WDFY3: variants seen among roughly 807,000 people sequenced by gnomAD.
The protein encoded by WDFY3 is WD repeat and FYVE domain-containing protein 3.
WDFY3 carries 66 observed loss-of-function variants against 409.6 expected under a neutral mutation model. The ratio of observed to expected loss-of-function variants is 0.16; its 90% CI spans 0.13 to 0.20. The LOEUF (loss-of-function observed/expected upper bound fraction) is 0.20. Ranked by LOEUF, WDFY3 falls within the 10% of genes least tolerant of loss-of-function variation. WDFY3 has a pLI of 1.00. For synonymous variants in WDFY3, 1,521 were observed against 1,537.1 expected (o/e 0.99, Z 0.25); for missense variants, 3,031 against 4,298.1 (o/e 0.71, Z 8.24).
At chr4:84,807,169 T>C (rs1461388946) in intron 15 of WDFY3, among the ~76,000 whole-genome samples, 1 of 152,146 alleles carries the variant, frequency 6.6e-6, no homozygotes, top group Non-Finnish European at 1.5e-5. Context: ...CCTCGACCAT[T>C]TTAGCAACAG....
At chr4:84,844,339 C>G in intron 5 of WDFY3, 2 of 725,938 alleles carry the variant, frequency 2.8e-6, no homozygotes, top group Non-Finnish European at 2.0e-6. Flanking sequence ...CCTAAACACC[C>G]TTGCCCCCTC....
intron 3 of WDFY3, among the ~76,000 whole-genome samples, chr4:84,895,652 A>G (rs1454097603): frequency 6.6e-6 from 1 of 152,170 alleles, no homozygotes; most frequent in Non-Finnish European, 1.5e-5. Flanking sequence ...TAGAGAAAAT[A>G]TTTCTAAATA....
At chr4:84,812,843 C>A (rs745752998) in intron 13 of WDFY3, among the ~76,000 whole-genome samples, 2 of 152,016 alleles carry the variant, frequency 1.3e-5, no homozygotes, top group Non-Finnish European at 2.9e-5. Context: ...TCTCAGTATT[C>A]GAAAAATTTC....
chr4:84,837,005 G>A lies in WDFY3; in HGVS notation c.500C>T (p.Pro167Leu). The change falls in exon 7 of 68, where the codon CCT becomes CTT. Residue 167 changes from proline to leucine, a missense_variant. Physicochemically the swap from Pro to Leu is moderately conservative, Grantham distance 98 (BLOSUM62 -3). This residue lies in a region of WDFY3 where 1,322 missense variants were observed against 1,697.9 expected (regional missense o/e 0.78). Transcript: ENST00000295888. The part of the protein sequence containing the change: ...LYLFFDLPHV[P>L]EAVGGAQNEL... ...ATTCTGTGCACCTCCAACTGCCTCA[G>A]GCACATGTGGAAGGTCAAAAAACAG... 6.2e-7 allele frequency: 1 copy of A among 1,602,318 alleles called. No individual in the cohort carries two copies. The highest frequency in any genetic ancestry group is 8.5e-7 in the Non-Finnish European group (1 of 1,174,570).
rs142041190 is a variant in WDFY3, at chr4:84,715,339, G to A, written c.7920C>T (p.Leu2640=). ...TTCTGATTCCTTTCTGAAAAGCAAG[G>A]AGGTAATTCCGTCCATCTCCAGAGA... ...EVFSGDGRNY[L]LAFQKGIRNK... is the part of the protein sequence containing the mutation. The change falls in exon 50 of 68, where the codon CTC becomes CTT. Residue 2640 remains leucine (L), a synonymous_variant. Transcript: ENST00000295888. The A allele has an allele frequency of 7.9e-5, 127 of 1,611,140 alleles. No individual in the cohort carries two copies. The African/African-American group carries it at 1.5e-3, about 19-fold the overall frequency.
intron 63 of WDFY3, among the ~76,000 whole-genome samples, chr4:84,683,143 T>C (rs1241551072): frequency 1.3e-5 from 2 of 152,200 alleles, no homozygotes; most frequent in Non-Finnish European, 2.9e-5. Flanking sequence ...TTTATGCTGC[T>C]TCACAGATTG....
intron 21 of WDFY3, among the ~76,000 whole-genome samples, chr4:84,793,848 CAATT>C (rs561128391): frequency 2.3e-3 from 352 of 152,132 alleles, no homozygotes; most frequent in Non-Finnish European, 3.6e-3. Flanking sequence ...AACCACATGT[CAATT>C]AATATGTGAT....
intron 47 of WDFY3, 34 bp downstream of exon 47, chr4:84,721,375 T>A (rs1734833061): frequency 6.2e-7 from 1 of 1,608,358 alleles, no homozygotes; most frequent in South Asian, 1.1e-5. Context: ...GTTACTGAAG[T>A]ATTTACAATC....
At chr4:84,843,326 T>C (rs1560903193) in intron 5 of WDFY3, among the ~76,000 whole-genome samples, 2 of 152,174 alleles carry the variant, frequency 1.3e-5, no homozygotes, top group Admixed American at 6.5e-5. Flanking sequence ...TGTATCACTG[T>C]AAAAAAATAA....
intron 41 of WDFY3, among the ~76,000 whole-genome samples, chr4:84,736,718 G>A (rs192853893): frequency 6.6e-6 from 1 of 151,984 alleles, no homozygotes; most frequent in Non-Finnish European, 1.5e-5. Flanking sequence ...TGCCACCAGA[G>A]AATCTATGGT....
In WDFY3 at chr4:84,751,634, T is replaced by C; in HGVS notation, c.5822A>G (p.Gln1941Arg). 2 of 1,614,196 alleles carry C rather than the reference T, an allele frequency of 1.2e-6. No homozygotes were observed. Among genetic ancestry groups the C allele is most frequent in the Non-Finnish European group, 1.7e-6 (2 of 1,180,026 alleles). ...FAADTGMNRS[Q>R]SEYCNVGTKT... is the part of the protein sequence containing the mutation. The stretch of plus-strand genomic sequence containing the variant: ...GGTGCCCACATTGCAGTACTCTGAT[T>C]GGCTCCTGTTCATCCCTGTGTCTGC... The change falls in exon 36 of 68, where the codon CAA becomes CGA. Residue 1941 changes from glutamine to arginine, a missense_variant. Gln to Arg is a conservative substitution (Grantham distance 43). Coordinates refer to ENST00000295888, the MANE Select transcript of WDFY3 (RefSeq NM_014991.6).
intron 26 of WDFY3, among the ~76,000 whole-genome samples, chr4:84,779,490 G>A (rs1282100937): frequency 6.6e-6 from 1 of 151,016 alleles, no homozygotes; most frequent in Non-Finnish European, 1.5e-5. Flanking sequence ...TCGGCTTACT[G>A]CAGCCTCCGC....
At chr4:84,810,463 A>G (rs1051318834) in intron 13 of WDFY3, 119 bp from the exon 14 acceptor site, 5 of 882,724 alleles carry the variant, frequency 5.7e-6, no homozygotes, top group Non-Finnish European at 8.2e-6. Context: ...TTTATCATTT[A>G]CCCAATAAAC....
chr4:84,873,794 T>C (rs1762426429), intron 3 of WDFY3, among the ~76,000 whole-genome samples: 1 of 151,826 alleles, frequency 6.6e-6, no homozygotes, highest in South Asian at 2.1e-4. Flanking sequence ...GTTTGTTTGT[T>C]TGTTTTGAGA....
In WDFY3 at chr4:84,679,079, G is replaced by A. The variant is rs539497753; in HGVS notation, c.9987C>T (p.Asp3329=). 83 of 1,614,208 alleles carry A rather than the reference G, an allele frequency of 5.1e-5. No individual in the cohort carries two copies. The highest frequency in any genetic ancestry group is 4.5e-4 in the South Asian group (41 of 91,086). The change falls in exon 65 of 68, where the codon GAC becomes GAT. Residue 3329 remains aspartate (D), a synonymous_variant. Transcript: ENST00000295888. ...TAAWCTDSGS[D]DSRRWSDQLS... is the part of the protein sequence containing the mutation. ...GCTGGTCGGACCAGCGTCTGGAGTC[G>A]TCAGAGCCACTGTCAGTACACCAGG...
intron 29 of WDFY3, among the ~76,000 whole-genome samples, chr4:84,774,607 C>G (rs1745235009): frequency 6.6e-6 from 1 of 152,210 alleles, no homozygotes; most frequent in African/African-American, 2.4e-5. Flanking sequence ...CACCAATATT[C>G]TACTATTCAC....
At chr4:84,705,818 C>T (rs1320691007) in intron 53 of WDFY3, among the ~76,000 whole-genome samples, 1 of 152,108 alleles carries the variant, frequency 6.6e-6, no homozygotes. Flanking sequence ...GAAAATACTT[C>T]CAAGTCTTGA....
At chr4:84,861,267 T>A (rs956253111) in intron 3 of WDFY3, among the ~76,000 whole-genome samples, 5 of 152,142 alleles carry the variant, frequency 3.3e-5, no homozygotes, top group Middle Eastern at 3.4e-3. Flanking sequence ...TTAATGGATT[T>A]CTTAATGGTT....
chr4:84,741,041 A>G (rs980414338), intron 38 of WDFY3, among the ~76,000 whole-genome samples: 6 of 152,250 alleles, frequency 3.9e-5, no homozygotes, highest in African/African-American at 1.4e-4. Context: ...GAACATGCAC[A>G]AAAAATAACA....
Sources: allele counts gnomAD v4.1 joint callset (sites outside exome capture counted in the v4.1 genomes callset), GRCh38; gene constraint gnomAD v4.1.1; regional missense constraint gnomAD v4.1.1; transcripts MANE v1.5; gene names NCBI Gene and HGNC (gene_info 2026-07-23, HGNC 2026-07-21).